The following KNL1 variants were observed in gnomAD, a reference collection of about 807,000 sequenced individuals.
KNL1 encodes outer kinetochore KNL1 complex subunit KNL1.
In KNL1, 66 loss-of-function variants were observed where a neutral mutation model predicts 201.3. The observed-to-expected ratio is 0.33, with a 90% CI of 0.27 to 0.40. The LOEUF is 0.40. KNL1 is among the 10% of genes least tolerant of loss of function. The pLI, the probability that KNL1 is intolerant of heterozygous loss-of-function variation, is 1.00. For synonymous variants in KNL1, 895 were observed against 899.2 expected (o/e 1.00, Z 0.08); for missense variants, 2,815 against 2,690.5 (o/e 1.05, Z -1.02).
intron 1 of KNL1, among the ~76,000 whole-genome samples, chr15:40,596,297 G>T (rs1307828474): frequency 6.6e-6 from 1 of 152,084 alleles, no homozygotes; most frequent in Non-Finnish European, 1.5e-5. Flanking sequence ...TTTTTTGTGA[G>T]ACGGAGTCTC....
intron 21 of KNL1, among the ~76,000 whole-genome samples, chr15:40,654,626 T>C (rs1337086197): frequency 1.3e-5 from 2 of 150,736 alleles, no homozygotes; most frequent in African/African-American, 4.9e-5. Flanking sequence ...TCCCAGCACT[T>C]TGGGAAGCTG....
At chr15:40,647,119 C>T in intron 17 of KNL1, 45 bp downstream of exon 17, 1 of 915,674 alleles carries the variant, frequency 1.1e-6, no homozygotes, top group Non-Finnish European at 1.8e-6. Flanking sequence ...TTAATTTTAT[C>T]TAAATGCTCT....
rs746904638 is a variant in KNL1, at chr15:40,663,161, G to A, written c.*973G>A. The A allele has an allele frequency of 2.5e-5, 4 of 157,312 alleles. No homozygotes were observed. The highest frequency in any genetic ancestry group is 9.6e-5 in the African/African-American group (4 of 41,484). The allele number at this position is 157,312 out of a possible 1,614,324, so 9.7% of individuals were successfully genotyped here. ...TGCAAGCTCCGCCTCCTGGGTTCAC[G>A]CCATTCTCCTGCCTCAGCCTCCCGA... On this transcript the variant is annotated 3_prime_UTR_variant, in exon 26 of 26. Transcript: ENST00000399668.
Position 40,659,654 on chromosome 15 carries a change from G to A in KNL1, c.6836+193G>A, listed in dbSNP as rs564678777. ...ACTACAGGCGCCTGCCACCGCACCC[G>A]GCTAATTTTTTGTATTTTTAGTAGA... On this transcript the variant is annotated intron_variant, in intron 25 of 25. Coordinates refer to ENST00000399668, the MANE Select transcript of KNL1 (RefSeq NM_144508.5). Among the ~76,000 whole-genome samples, 22 of 151,472 alleles carry A rather than the reference G, an allele frequency of 1.5e-4. No individual in the cohort carries two copies. In the South Asian group the frequency reaches 1.5e-3, roughly 10 times the overall value.
In KNL1 at chr15:40,614,050, G is replaced by A. The variant is rs553262769; in HGVS notation, c.285-1291G>A. Among the ~76,000 whole-genome samples, 163 of 150,388 alleles carry A rather than the reference G, an allele frequency of 1.1e-3. 1 individual carries two copies. Among genetic ancestry groups the A allele is most frequent in the Non-Finnish European group, 2.0e-3 (137 of 67,780 alleles). ...CCTGACCTTGTGATCCACCCGCCTC[G>A]GCCTCCCAAAGTGCTGGGATTACAG... is the stretch of plus-strand genomic sequence containing the variant. On this transcript the variant is annotated intron_variant, in intron 7 of 25. Transcript: ENST00000399668.
intron 23 of KNL1, 42 bp from the exon 24 acceptor site, chr15:40,657,313 G>A (rs751945786): frequency 4.7e-6 from 6 of 1,280,218 alleles, no homozygotes; most frequent in Non-Finnish European, 5.7e-6. Context: ...GCATTGAAAT[G>A]TTTTCATAAT....
chr15:40,628,771 A>AT (rs943133011), intron 12 of KNL1, 93 bp downstream of exon 12: 10 of 709,000 alleles, frequency 1.4e-5, no homozygotes, highest in African/African-American at 9.1e-5. Context: ...GGTTTAAAAA[A>AT]TTTTTTTTAA....
chr15:40,655,852 C>T (rs1389240959), intron 22 of KNL1, among the ~76,000 whole-genome samples: 1 of 144,136 alleles, frequency 6.9e-6, no homozygotes, highest in Non-Finnish European at 1.5e-5. Flanking sequence ...GGAGGCGGAG[C>T]TTGCAGTGAG....
intron 17 of KNL1, among the ~76,000 whole-genome samples, chr15:40,648,988 C>T (rs8037717): frequency 0.021 from 2,975 of 143,194 alleles, 98 homozygotes; most frequent in African/African-American, 0.073. Context: ...CACCACCAGG[C>T]CCTGCTAATT....
chr15:40,639,963 C>T (rs1193292860), intron 13 of KNL1, among the ~76,000 whole-genome samples: 2 of 152,020 alleles, frequency 1.3e-5, no homozygotes, highest in East Asian at 3.8e-4. Context: ...GTACTAGCTA[C>T]TGGAGAGGAT....
At chr15:40,661,058 T>C (rs976994764) in intron 25 of KNL1, among the ~76,000 whole-genome samples, 9 of 151,810 alleles carry the variant, frequency 5.9e-5, no homozygotes, top group African/African-American at 2.2e-4. Context: ...GCTGACAGAT[T>C]GGAAGATAAC....
chr15:40,660,003 T>TG (rs1200773774), intron 25 of KNL1, among the ~76,000 whole-genome samples: 1 of 150,770 alleles, frequency 6.6e-6, no homozygotes, highest in Non-Finnish European at 1.5e-5. Flanking sequence ...CTCTGCCTCC[T>TG]GGGTTCAAGT....
chr15:40,610,055 C>G (rs1297329168), intron 5 of KNL1, among the ~76,000 whole-genome samples, 190 bp from the exon 6 acceptor site: 2 of 152,128 alleles, frequency 1.3e-5, no homozygotes, highest in African/African-American at 4.8e-5. Flanking sequence ...AAAATAAAAA[C>G]AAAACTATAG....
In KNL1 at chr15:40,621,695, T is replaced by G. The variant is rs775795571; in HGVS notation, c.1431T>G (p.Ile477Met). 16 of 1,611,744 alleles carry G rather than the reference T, an allele frequency of 9.9e-6. No individual in the cohort carries two copies. Among genetic ancestry groups the G allele is most frequent in the Non-Finnish European group, 1.3e-5 (15 of 1,178,156 alleles). The change falls in exon 10 of 26, where the codon ATT (isoleucine) becomes ATG (methionine). Residue 477 changes from isoleucine to methionine, a missense_variant. This residue lies in a region of KNL1 where 2,464 missense variants were observed against 2,291.7 expected (regional missense o/e 1.08). Transcript: ENST00000399668. ...TGTCTTCTCTCACAGAGAAAACTAT[T>G]TATTCCGGAGAGGAGAACATGGACA... is the stretch of plus-strand genomic sequence containing the variant. Reference protein sequence around the residue: ...DAMSSLTEKTIYSGEENMDIT... With the variant: ...DAMSSLTEKTMYSGEENMDIT...
At position 40,598,781 on chromosome 15, in the gene KNL1, C is replaced by T. The variant is rs1010908499; in HGVS notation, c.-17-4134C>T. 3.9e-5 allele frequency among the ~76,000 whole-genome samples: 6 copies of T among 151,954 alleles called. No homozygotes were observed. In the South Asian group the frequency reaches 8.3e-4, roughly 21 times the overall value. ...TACTGTTAACTTACCTTCTATTTCTCGTTTGCTGTATTAAAAAGAAATTTT... is the reference window on the plus strand; with the variant it reads ...TACTGTTAACTTACCTTCTATTTCTTGTTTGCTGTATTAAAAAGAAATTTT... On this transcript the variant is annotated intron_variant, in intron 1 of 25. Coordinates refer to ENST00000399668, the MANE Select transcript of KNL1 (RefSeq NM_144508.5).
intron 13 of KNL1, among the ~76,000 whole-genome samples, chr15:40,633,836 C>G (rs1441528049): frequency 1.3e-5 from 2 of 152,074 alleles, no homozygotes; most frequent in Non-Finnish European, 2.9e-5. Context: ...CCATGCCCAG[C>G]CCTTATCGTT....
chr15:40,628,989 CACA>C (rs1892828188), intron 12 of KNL1, among the ~76,000 whole-genome samples: 2 of 152,016 alleles, frequency 1.3e-5, no homozygotes, highest in African/African-American at 2.4e-5. Flanking sequence ...GCCATGATCA[CACA>C]ACTGTACCCC....
At chr15:40,651,029 G>A (rs1893540575) in intron 19 of KNL1, among the ~76,000 whole-genome samples, 1 of 150,052 alleles carries the variant, frequency 6.7e-6, no homozygotes, top group Non-Finnish European at 1.5e-5. Context: ...GATTAACAAA[G>A]ATATGTTCTG....
chr15:40,602,956 A>G lies in KNL1; in HGVS notation c.25A>G (p.Asn9Asp), dbSNP rs1336430697. The change falls in exon 2 of 26, where the codon AAT (asparagine) becomes GAT (aspartate). Residue 9 changes from asparagine to aspartate, a missense_variant. Asn to Asp is a conservative substitution (Grantham distance 23, BLOSUM62 1). Around this residue, in one of 3 missense-constraint regions of KNL1, gnomAD observed 2,464 missense variants for 2,291.7 expected, o/e 1.08. Transcript: ENST00000399668. ...AATGGATGGGGTGTCTTCAGAGGCT[A>G]ATGAAGAAAAGTAAGTTCATTTAAT... MDGVSSEANEENDNIERPV... is the reference protein window; with the variant it reads MDGVSSEADEENDNIERPV... The G allele has an allele frequency of 1.3e-6, 2 of 1,592,612 alleles. No homozygotes were observed. The highest frequency in any genetic ancestry group is 1.7e-6 in the Non-Finnish European group (2 of 1,163,778).
Sources: gnomAD v4.1 joint callset for allele counts (sites outside exome capture counted in the v4.1 genomes callset) on GRCh38, gnomAD v4.1.1 for gene constraint, gnomAD v4.1.1 regional missense constraint, MANE v1.5 for transcripts, NCBI Gene and HGNC (gene_info 2026-07-23, HGNC 2026-07-21) for gene names.